Variants in CHL1 observed in about 807,000 individuals in gnomAD.
The protein encoded by CHL1 is cell adhesion molecule L1 like.
CHL1 carries 96 observed loss-of-function variants against 141.9 expected under a neutral mutation model. The observed-to-expected ratio is 0.68, with a 90% CI of 0.57 to 0.80. The LOEUF (loss-of-function observed/expected upper bound fraction) is 0.80, where lower values mean the gene tolerates loss of function less well. Ranked by LOEUF, CHL1 falls within the 30% of genes least tolerant of loss-of-function variation. The probability of loss-of-function intolerance (pLI) is 0.00; values close to 1 mark genes in which losing one functional copy is unlikely to be tolerated. For synonymous variants in CHL1, 613 were observed against 502.2 expected (o/e 1.22, Z -2.95); for missense variants, 1,820 against 1,457.2 (o/e 1.25, Z -4.05).
At chr3:401,530 GCTGTTCTTA>G (rs1709135856) in intron 26 of CHL1, 87 bp from the exon 27 acceptor site, 2 of 703,254 alleles carry the variant, frequency 2.8e-6, no homozygotes, top group East Asian at 5.5e-5. Flanking sequence ...TTTGAGCAAT[GCTGTTCTTA>G]CTGACTATTA....
intron 1 of CHL1, among the ~76,000 whole-genome samples, chr3:231,392 C>T (rs1701836320): frequency 6.6e-6 from 1 of 152,018 alleles, no homozygotes; most frequent in South Asian, 2.1e-4. Flanking sequence ...TAGATAATTG[C>T]ATATGTACAA....
At chr3:341,486 G>A (rs62227257) in intron 6 of CHL1, among the ~76,000 whole-genome samples, 2,204 of 152,148 alleles carry the variant, frequency 0.014, 20 homozygotes, top group Middle Eastern at 0.024. Flanking sequence ...TTAATATCAC[G>A]GATAAAACTT....
rs571067218 is a variant in CHL1, at chr3:276,517, A to G, written c.-95+31825A>G. On this transcript the variant is annotated intron_variant, in intron 2 of 27. Transcript: ENST00000256509. ...AAGAGGCAAGAAGAACTTCAGTTCCAAGGAAAATCTCCTGATTAAAAGAGT... is the reference window on the plus strand; with the variant it reads ...AAGAGGCAAGAAGAACTTCAGTTCCGAGGAAAATCTCCTGATTAAAAGAGT... Among the ~76,000 whole-genome samples, 5 of 152,298 alleles carry G rather than the reference A, an allele frequency of 3.3e-5. 1 individual carries two copies. The highest frequency in any genetic ancestry group is 1.2e-4 in the African/African-American group (5 of 41,564).
intron 1 of CHL1, among the ~76,000 whole-genome samples, chr3:239,025 G>A (rs1490951120): frequency 2.0e-5 from 3 of 151,934 alleles, no homozygotes; most frequent in African/African-American, 7.3e-5. Flanking sequence ...TTATATAGCA[G>A]CTGTCAAGGT....
rs955718574 is a variant in CHL1 at position 279,100 on chromosome 3, T to C, written c.-95+34408T>C. Among the ~76,000 whole-genome samples, 9 of 152,354 alleles carry C rather than the reference T, an allele frequency of 5.9e-5. No homozygotes were observed. In the South Asian group the frequency reaches 1.4e-3, roughly 25 times the overall value. On this transcript the variant is annotated intron_variant, in intron 2 of 27. Coordinates refer to ENST00000256509, the MANE Select transcript of CHL1 (RefSeq NM_006614.4). ...ATATTCAGTGTCTTAGAAAAATAGA[T>C]TAATGGGATTTAGTCTTTAAGTCTT...
chr3:301,132 A>G (rs981418233), intron 2 of CHL1, among the ~76,000 whole-genome samples: 19 of 152,178 alleles, frequency 1.2e-4, no homozygotes, highest in Admixed American at 7.2e-4. Context: ...AGCAATACAG[A>G]TAGGAAGTGC....
intron 2 of CHL1, among the ~76,000 whole-genome samples, chr3:317,854 G>A (rs1700266440): frequency 6.6e-6 from 1 of 151,726 alleles, no homozygotes; most frequent in Admixed American, 6.6e-5. Context: ...CATTGATTAG[G>A]ATAACTCATT....
At chr3:400,384 G>T (rs1409660641) in intron 26 of CHL1, among the ~76,000 whole-genome samples, 4 of 152,128 alleles carry the variant, frequency 2.6e-5, no homozygotes, top group Non-Finnish European at 4.4e-5. Flanking sequence ...AAACGTTAAA[G>T]AGTTATAGCA....
intron 1 of CHL1, among the ~76,000 whole-genome samples, chr3:225,293 C>G (rs555731614): frequency 5.3e-4 from 80 of 152,274 alleles, no homozygotes; most frequent in African/African-American, 1.9e-3. Context: ...GATCTCCACC[C>G]TCAGAGAGTG....
Position 251,637 on chromosome 3 carries a change from A to G in CHL1, c.-95+6945A>G, listed in dbSNP as rs189393941. Among the ~76,000 whole-genome samples, 30 of 152,264 alleles carry G rather than the reference A, an allele frequency of 2.0e-4. No individual in the cohort carries two copies. In the East Asian group the frequency reaches 5.2e-3, roughly 26 times the overall value. On this transcript the variant is annotated intron_variant, in intron 2 of 27. Coordinates refer to ENST00000256509, the MANE Select transcript of CHL1 (RefSeq NM_006614.4). ...TACATTTCCATGATTTTGCAAGCAA[A>G]TGTAAAGCTGGAAATTTCTGTCTAG...
At chr3:332,528 T>A (rs1395928555) in intron 5 of CHL1, among the ~76,000 whole-genome samples, 1 of 152,150 alleles carries the variant, frequency 6.6e-6, no homozygotes, top group East Asian at 1.9e-4. Flanking sequence ...TTCTTTGTGT[T>A]TTTTTTACAT....
intron 2 of CHL1, among the ~76,000 whole-genome samples, chr3:310,423 G>A (rs1413297382): frequency 1.3e-5 from 2 of 152,154 alleles, no homozygotes; most frequent in Admixed American, 6.5e-5. Flanking sequence ...GGTGTCCAAG[G>A]TGGGAGTGAG....
chr3:199,423 G>T (rs894298413), intron 1 of CHL1, among the ~76,000 whole-genome samples: 3 of 152,076 alleles, frequency 2.0e-5, no homozygotes, highest in Non-Finnish European at 4.4e-5. Flanking sequence ...TCAAAGAAAC[G>T]GCTATAGATA....
At chr3:329,690 G>C (rs1417446892) in intron 5 of CHL1, among the ~76,000 whole-genome samples, 2 of 151,738 alleles carry the variant, frequency 1.3e-5, no homozygotes, top group African/African-American at 4.8e-5. Flanking sequence ...TTAAAAAAAA[G>C]CTATAAACTT....
intron 10 of CHL1, among the ~76,000 whole-genome samples, chr3:351,250 T>C (rs1225771792): frequency 2.0e-5 from 3 of 152,196 alleles, no homozygotes; most frequent in African/African-American, 4.8e-5. Flanking sequence ...TCCAAAGGAA[T>C]ATAGATTTCC....
rs143272020 is a variant in CHL1, at chr3:398,285, G to A, written c.3153G>A (p.Glu1051=). ...TTACTCAAAAGACTCACCCAATAGA[G>A]GTATTTGAGCCGGGAGCTGAACATA... ...VNLTQKTHPI[E]VFEPGAEHIV... is the part of the protein sequence containing the mutation. Residue 1051 remains glutamate, a synonymous_variant, in exon 25 of 28, where the codon GAG becomes GAA. Coordinates refer to ENST00000256509, the MANE Select transcript of CHL1 (RefSeq NM_006614.4). 1 of 1,606,984 alleles carries A rather than the reference G, an allele frequency of 6.2e-7. No individual in the cohort carries two copies. The highest frequency in any genetic ancestry group is 8.5e-7 in the Non-Finnish European group (1 of 1,173,894).
At chr3:338,301 G>C (rs976774122) in intron 5 of CHL1, among the ~76,000 whole-genome samples, 2 of 152,144 alleles carry the variant, frequency 1.3e-5, no homozygotes, top group African/African-American at 4.8e-5. Flanking sequence ...AGATAAAGGA[G>C]TGTAATTACC....
chr3:205,641 C>CTGTGTGTGTG (rs141526826), intron 1 of CHL1, among the ~76,000 whole-genome samples: 1 of 150,410 alleles, frequency 6.6e-6, no homozygotes, highest in Non-Finnish European at 1.5e-5. Context: ...TTGTGTGTGT[C>CTGTGTGTGTG]TGTGTGTGTG....
chr3:287,926 A>C (rs1220945124), intron 2 of CHL1, among the ~76,000 whole-genome samples: 1 of 140,414 alleles, frequency 7.1e-6, no homozygotes, highest in Non-Finnish European at 1.6e-5. Context: ...CCATCACGCC[A>C]GGCTAAGTTT....
Sources: allele counts gnomAD v4.1 joint callset (sites outside exome capture counted in the v4.1 genomes callset), GRCh38; gene constraint gnomAD v4.1.1; transcripts MANE v1.5; gene names NCBI Gene and HGNC (gene_info 2026-07-23, HGNC 2026-07-21).